LINGO2: variants seen among roughly 807,000 people sequenced by gnomAD.
LINGO2 encodes the protein leucine rich repeat and Ig domain containing 2, also known as leucine-rich repeat and immunoglobulin-like domain-containing nogo receptor-interacting protein 2.
LINGO2 carries 14 observed loss-of-function variants against 30.6 expected under a neutral mutation model. That is an observed-to-expected ratio of 0.46 (90% CI 0.30 to 0.72). LINGO2 has a LOEUF of 0.72. LINGO2 is among the 30% of genes least tolerant of loss of function. The probability of loss-of-function intolerance (pLI) is 0.07; values close to 1 mark genes in which losing one functional copy is unlikely to be tolerated. For missense variants in LINGO2, 729 were observed against 751.7 expected (o/e 0.97, Z 0.35); for synonymous variants, 317 against 288.5 (o/e 1.10, Z -1.00).
intron 1 of LINGO2, among the ~76,000 whole-genome samples, chr9:28,483,645 C>A (rs1220540485): frequency 1.3e-5 from 2 of 151,712 alleles, no homozygotes; most frequent in Non-Finnish European, 2.9e-5. Context: ...CTATTGTAAT[C>A]AAAGTGAGAA....
At chr9:28,927,439 C>T in the LINGO2 span, among the ~76,000 whole-genome samples, 8 of 152,054 alleles carry the variant, frequency 5.3e-5, no homozygotes, top group African/African-American at 1.9e-4. Context: ...AATATCTACT[C>T]CTTAGATGAA....
chr9:28,932,107 A>AAAAAATAAAATAAAAT, the LINGO2 span, among the ~76,000 whole-genome samples: 1 of 107,564 alleles, frequency 9.3e-6, no homozygotes, highest in African/African-American at 3.6e-5. Flanking sequence ...ACTCTGACAA[A>AAAAAATAAAATAAAAT]AAAATAAAAT....
intron 1 of LINGO2, among the ~76,000 whole-genome samples, chr9:28,491,792 T>C (rs1826406715): frequency 6.6e-6 from 1 of 152,098 alleles, no homozygotes; most frequent in Non-Finnish European, 1.5e-5. Flanking sequence ...GTAAAATAAA[T>C]AAAATTGAAA....
chr9:29,077,592 T>C, the LINGO2 span, among the ~76,000 whole-genome samples: 2 of 98,186 alleles, frequency 2.0e-5, no homozygotes, highest in East Asian at 2.6e-4. Context: ...CAAAGCAAAA[T>C]TGAACAACAT....
the LINGO2 span, among the ~76,000 whole-genome samples, chr9:29,164,949 A>G: frequency 2.0e-5 from 3 of 152,158 alleles, no homozygotes; most frequent in Admixed American, 6.5e-5. Context: ...ATTCAATACT[A>G]CAACTGAGGT....
At chr9:28,053,738 G>C (rs991937482) in intron 4 of LINGO2, among the ~76,000 whole-genome samples, 6 of 152,100 alleles carry the variant, frequency 3.9e-5, no homozygotes, top group South Asian at 2.1e-4. Context: ...CTGGATATGG[G>C]TATGTTGGTA....
At chr9:28,172,080 C>T (rs1448223100) in intron 4 of LINGO2, among the ~76,000 whole-genome samples, 1 of 143,842 alleles carries the variant, frequency 7.0e-6, no homozygotes, top group Non-Finnish European at 1.5e-5. Context: ...GCTGTGGCTA[C>T]TGCCATAAAT....
the LINGO2 span, among the ~76,000 whole-genome samples, chr9:28,849,036 C>T: frequency 6.6e-6 from 1 of 152,004 alleles, no homozygotes; most frequent in African/African-American, 2.4e-5. Flanking sequence ...GACTCCTCCC[C>T]TCTACTCAGA....
intron 2 of LINGO2, among the ~76,000 whole-genome samples, chr9:28,375,432 A>G (rs1821092035): frequency 6.6e-6 from 1 of 152,214 alleles, no homozygotes; most frequent in Admixed American, 6.5e-5. Context: ...GGCCTTGTTT[A>G]GCACCAAGAT....
At chr9:28,030,891 C>T (rs1293964418) in intron 4 of LINGO2, among the ~76,000 whole-genome samples, 4 of 152,048 alleles carry the variant, frequency 2.6e-5, no homozygotes, top group African/African-American at 9.7e-5. Context: ...TAAGTAAATC[C>T]TGTATTCGCT....
At chr9:28,035,273 T>C (rs1265811557) in intron 4 of LINGO2, among the ~76,000 whole-genome samples, 1 of 152,030 alleles carries the variant, frequency 6.6e-6, no homozygotes, top group African/African-American at 2.4e-5. Context: ...ATAGGCAAAA[T>C]AGATAAAGCC....
the LINGO2 span, among the ~76,000 whole-genome samples, chr9:29,013,940 T>A: frequency 6.6e-6 from 1 of 152,122 alleles, no homozygotes; most frequent in Non-Finnish European, 1.5e-5. Context: ...TATAATCTCC[T>A]CAAAATTTTT....
At chr9:28,085,428 T>C (rs895086663) in intron 4 of LINGO2, among the ~76,000 whole-genome samples, 12 of 152,116 alleles carry the variant, frequency 7.9e-5, no homozygotes, top group Non-Finnish European at 1.3e-4. Flanking sequence ...TCTTGGTTTC[T>C]TTTCTGAGGG....
chr9:28,422,984 T>TA (rs1297973537), intron 2 of LINGO2, among the ~76,000 whole-genome samples: 4 of 151,882 alleles, frequency 2.6e-5, no homozygotes, highest in Admixed American at 6.6e-5. Flanking sequence ...GTCAAAATCA[T>TA]AGAGACAGAA....
At chr9:28,872,393 A>G in the LINGO2 span, among the ~76,000 whole-genome samples, 1 of 152,184 alleles carries the variant, frequency 6.6e-6, no homozygotes, top group Non-Finnish European at 1.5e-5. Flanking sequence ...ATTTAACAGG[A>G]AAGATAAGAT....
intron 4 of LINGO2, among the ~76,000 whole-genome samples, chr9:28,108,717 A>C (rs1826673270): frequency 6.6e-6 from 1 of 152,106 alleles, no homozygotes; most frequent in African/African-American, 2.4e-5. Context: ...ATGGAAACCA[A>C]CAGTCCTTGA....
chr9:28,911,205 G>A, the LINGO2 span, among the ~76,000 whole-genome samples: 4 of 151,914 alleles, frequency 2.6e-5, no homozygotes, highest in Admixed American at 6.6e-5. Context: ...AAATGCATAC[G>A]TATTTCACAT....
chr9:28,585,927 C>G (rs554079088), intron 1 of LINGO2, among the ~76,000 whole-genome samples: 1 of 152,070 alleles, frequency 6.6e-6, no homozygotes, highest in Admixed American at 6.6e-5. Context: ...GATCCTGTTC[C>G]ACAGTGGCAC....
chr9:28,551,831 T>G (rs1253463118), intron 1 of LINGO2, among the ~76,000 whole-genome samples: 1 of 152,094 alleles, frequency 6.6e-6, no homozygotes, highest in Non-Finnish European at 1.5e-5. Flanking sequence ...CTGACACACG[T>G]GTGTCCTCAG....
Sources: gnomAD v4.1 joint callset for allele counts (sites outside exome capture counted in the v4.1 genomes callset) on GRCh38, gnomAD v4.1.1 for gene constraint, MANE v1.5 for transcripts, NCBI Gene and HGNC (gene_info 2026-07-23, HGNC 2026-07-21) for gene names.